Variants in PSMF1 observed in about 807,000 individuals in gnomAD.
PSMF1 encodes proteasome inhibitor subunit 1, also known as proteasome inhibitor PI31 subunit.
PSMF1 carries 30 observed loss-of-function variants against 29.3 expected under a neutral mutation model. The ratio of observed to expected loss-of-function variants is 1.02; its 90% confidence interval spans 0.77 to 1.39. The LOEUF (loss-of-function observed/expected upper bound fraction) is 1.39, where lower values mean the gene tolerates loss of function less well. Ranked by LOEUF, PSMF1 falls within the 40% of genes most tolerant of loss-of-function variation. PSMF1 has a pLI of 0.00. For synonymous variants in PSMF1, 134 were observed against 139.7 expected (o/e 0.96, Z 0.29); for missense variants, 344 against 357.5 (o/e 0.96, Z 0.31).
At chr20:1,147,085 G>C (rs1463989596) in intron 4 of PSMF1, among the ~76,000 whole-genome samples, 1 of 152,068 alleles carries the variant, frequency 6.6e-6, no homozygotes, top group Non-Finnish European at 1.5e-5. Flanking sequence ...AGCGGGTGTT[G>C]GGCAAGTATT....
At chr20:1,139,670 G>A (rs953514802) in intron 4 of PSMF1, among the ~76,000 whole-genome samples, 2 of 151,688 alleles carry the variant, frequency 1.3e-5, no homozygotes, top group African/African-American at 2.4e-5. Context: ...GCGTGAACCC[G>A]GGAGGCAGAG....
At chr20:1,128,742 T>C (rs2086192482) in intron 3 of PSMF1, among the ~76,000 whole-genome samples, 1 of 152,194 alleles carries the variant, frequency 6.6e-6, no homozygotes, top group Non-Finnish European at 1.5e-5. Context: ...TTTTATTTTA[T>C]TTTTTTGAGG....
In PSMF1 at chr20:1,171,441, C is replaced by A. The variant is rs2086789277; in HGVS notation, c.*6361C>A. On this transcript the variant is annotated 3_prime_UTR_variant, in exon 7 of 7. Coordinates refer to ENST00000335877, the MANE Select transcript of PSMF1 (RefSeq NM_006814.5). Reference sequence around the variant, plus strand: ...TGAGTTTAGTAGGATGGCAGCTAGTCTTCCCTATTGACAGGTGAAAAAGCA... The same window carrying A: ...TGAGTTTAGTAGGATGGCAGCTAGTATTCCCTATTGACAGGTGAAAAAGCA... Among the ~76,000 whole-genome samples the A allele has an allele frequency of 6.6e-6, 1 of 152,178 alleles. No individual in the cohort carries two copies.
At chr20:1,157,349 T>C (rs575111376) in intron 4 of PSMF1, among the ~76,000 whole-genome samples, 2 of 152,304 alleles carry the variant, frequency 1.3e-5, no homozygotes, top group East Asian at 3.9e-4. Flanking sequence ...GTCTACCCCT[T>C]GTCAACTTGA....
intron 3 of PSMF1, among the ~76,000 whole-genome samples, chr20:1,130,273 A>G (rs566679247): frequency 2.1e-4 from 32 of 152,342 alleles, no homozygotes; most frequent in African/African-American, 7.5e-4. Flanking sequence ...AACAGTGTTA[A>G]TGTACTTAAC....
intron 4 of PSMF1, among the ~76,000 whole-genome samples, chr20:1,144,204 T>G (rs11699981): frequency 0.11 from 17,444 of 152,148 alleles, 1,099 homozygotes; most frequent in African/African-American, 0.15. Flanking sequence ...TTAAGCTAGG[T>G]GAAATGCAAA....
chr20:1,133,569 A>ATATATATATATATATTT lies in PSMF1; in HGVS notation c.366-1551_366-1550insATATATATATATATTTT. On this transcript the variant is annotated intron_variant, in intron 3 of 6. Coordinates refer to ENST00000335877, the MANE Select transcript of PSMF1 (RefSeq NM_006814.5). ...TCTATATATGTGTATATATATATAT[A>ATATATATATATATATTT]TTTTTTTTTTTTTTTTGGTGTAGTC... Among the ~76,000 whole-genome samples the ATATATATATATATATTT allele has an allele frequency of 2.1e-3, 112 of 53,276 alleles. 3 individuals carry two copies. The highest frequency in any genetic ancestry group is 4.9e-3 in the African/African-American group (87 of 17,806). The allele number at this position is 53,276 out of a possible 152,430, so 35.0% of individuals were successfully genotyped here.
At chr20:1,142,468 T>C (rs2086395882) in intron 4 of PSMF1, among the ~76,000 whole-genome samples, 1 of 151,336 alleles carries the variant, frequency 6.6e-6, no homozygotes, top group African/African-American at 2.4e-5. Context: ...CCCCTTCCTG[T>C]GTCCAAGTGT....
rs200994349 is a variant in PSMF1 at position 1,135,222 on chromosome 20, G to T, written c.467G>T (p.Arg156Leu). ...AAGGCTAATGTAAGCAGTCCCCACCGGGAGTTCCCCCCTGCTACCGCCAGA... is the reference window on the plus strand; with the variant it reads ...AAGGCTAATGTAAGCAGTCCCCACCTGGAGTTCCCCCCTGCTACCGCCAGA... ...WEKANVSSPH[R>L]EFPPATAREV... Residue 156 changes from arginine to leucine, a missense_variant, in exon 4 of 7, where the codon CGG (arginine) becomes CTG (leucine). Physicochemically the swap from Arg to Leu is moderately radical, Grantham distance 102 (BLOSUM62 -2). Transcript: ENST00000335877. 6.2e-7 allele frequency: 1 copy of T among 1,614,076 alleles called. No homozygotes were observed. Among genetic ancestry groups the T allele is most frequent in the Non-Finnish European group, 8.5e-7 (1 of 1,179,994 alleles).
intron 3 of PSMF1, among the ~76,000 whole-genome samples, chr20:1,134,086 T>C (rs901966075): frequency 4.5e-5 from 5 of 111,526 alleles, no homozygotes; most frequent in African/African-American, 1.3e-4. Flanking sequence ...TTGTTTTTCT[T>C]TTTTATTGAC....
At chr20:1,144,955 G>T (rs946916648) in intron 4 of PSMF1, among the ~76,000 whole-genome samples, 1 of 151,898 alleles carries the variant, frequency 6.6e-6, no homozygotes, top group African/African-American at 2.4e-5. Flanking sequence ...GTGCGATCTC[G>T]GCTCACTGCA....
At chr20:1,149,244 G>A (rs144452820) in intron 4 of PSMF1, among the ~76,000 whole-genome samples, 1 of 152,294 alleles carries the variant, frequency 6.6e-6, no homozygotes, top group East Asian at 1.9e-4. Context: ...CCAACTTGAC[G>A]AGTAGTAGTT....
chr20:1,119,029 AGCGTTGGTAAAACCT>A (rs2086048414), intron 1 of PSMF1, 127 bp downstream of exon 1: 1 of 1,317,838 alleles, frequency 7.6e-7, no homozygotes, highest in African/African-American at 1.5e-5. Flanking sequence ...GGCAGATGGC[AGCGTTGGTAAAACCT>A]GCGGGTCGGA....
chr20:1,118,558 C>G (rs957501003), upstream of PSMF1: 11 of 500,576 alleles, frequency 2.2e-5, no homozygotes, highest in Admixed American at 7.6e-5. Context: ...CGTTGCCAAC[C>G]CGGCGCGCCT....
intron 3 of PSMF1, 102 bp downstream of exon 3, chr20:1,127,610 T>G: frequency 1.0e-6 from 1 of 970,374 alleles, no homozygotes; most frequent in Non-Finnish European, 1.6e-6. Context: ...GGAAGGTGAA[T>G]GGAAGAACCT....
intron 4 of PSMF1, among the ~76,000 whole-genome samples, chr20:1,156,874 G>A (rs2086600893): frequency 6.6e-6 from 1 of 152,178 alleles, no homozygotes; most frequent in Admixed American, 6.5e-5. Context: ...ATAATGGACA[G>A]TTCTCTAAAA....
chr20:1,171,209 A>ACCTGAAG lies in PSMF1; in HGVS notation c.*6133_*6134insAAGCCTG, dbSNP rs1313495437. On this transcript the variant is annotated 3_prime_UTR_variant, in exon 7 of 7. Transcript: ENST00000335877. ...GTGCCTCATGCTCCTGAGTACCTCC[A>ACCTGAAG]CCTGCAGCCACAGTGCCCAGAGCAC... Among the ~76,000 whole-genome samples the ACCTGAAG allele has an allele frequency of 3.3e-5, 5 of 152,218 alleles. No homozygotes were observed. Among genetic ancestry groups the ACCTGAAG allele is most frequent in the Admixed American group, 1.3e-4 (2 of 15,294 alleles).
rs1244152987 is a variant in PSMF1 at position 1,163,140 on chromosome 20, C to A, written c.562C>A (p.Leu188Met). 2.5e-6 allele frequency: 4 copies of A among 1,614,180 alleles called. No homozygotes were observed. In the Admixed American group the frequency reaches 6.7e-5, roughly 27 times the overall value. ...TCTTGTTTGTTTCAGGTGTGATCCC[C>A]TGGGCCCGTTTGTTGTCGGGGGAGA... ...TSRQPPWCDP[L>M]GPFVVGGEDL... The change falls in exon 5 of 7, where the codon CTG becomes ATG. Residue 188 changes from leucine (L) to methionine (M), a missense_variant. By Grantham distance (15) the Leu-to-Met change is conservative (BLOSUM62 2). Transcript: ENST00000335877. The surrounding 1 kb of genome is among the most constrained non-coding windows in gnomAD (Gnocchi z 6.1).
intron 3 of PSMF1, among the ~76,000 whole-genome samples, chr20:1,129,182 T>G (rs2086198354): frequency 6.6e-6 from 1 of 151,942 alleles, no homozygotes; most frequent in Admixed American, 6.6e-5. Flanking sequence ...CCCAGCCAAT[T>G]TTTGCGTTTT....
Sources: allele counts gnomAD v4.1 joint callset (sites outside exome capture counted in the v4.1 genomes callset), GRCh38; gene constraint gnomAD v4.1.1; non-coding constraint Gnocchi (gnomAD v3.1); transcripts MANE v1.5; gene names NCBI Gene and HGNC (gene_info 2026-07-23, HGNC 2026-07-21).